BCL2L13: variants seen among roughly 807,000 people sequenced by gnomAD.
The protein encoded by BCL2L13 is bcl-2-like protein 13.
In BCL2L13, 13 loss-of-function variants were observed where a neutral mutation model predicts 25.8. That is an observed-to-expected ratio of 0.50 (90% CI 0.33 to 0.80). The LOEUF (loss-of-function observed/expected upper bound fraction) is 0.80. Among genes scored for constraint, BCL2L13 ranks in the 30% least tolerant of loss-of-function variants. The probability of loss-of-function intolerance (pLI) is 0.02; values close to 1 mark genes in which losing one functional copy is unlikely to be tolerated. For synonymous variants in BCL2L13, 244 were observed against 230.3 expected (o/e 1.06, Z -0.54); for missense variants, 504 against 574.9 (o/e 0.88, Z 1.26).
In BCL2L13 at chr22:17,688,289, C is replaced by A. The variant is rs182344068; in HGVS notation, c.230-697C>A. On this transcript the variant is annotated intron_variant, in intron 3 of 6. Coordinates refer to ENST00000317582, the MANE Select transcript of BCL2L13 (RefSeq NM_015367.4). ...CAACTTTTATACTTGTTTGTATAAT[C>A]TTCATATAATAGTTTGAAAATTTAT... Among the ~76,000 whole-genome samples the A allele has an allele frequency of 1.3e-3, 194 of 152,264 alleles. 1 individual carries two copies. Among genetic ancestry groups the A allele is most frequent in the Non-Finnish European group, 2.1e-3 (143 of 68,028 alleles).
intron 2 of BCL2L13, among the ~76,000 whole-genome samples, chr22:17,659,818 C>A (rs548247608): frequency 6.8e-6 from 1 of 146,084 alleles, no homozygotes; most frequent in Non-Finnish European, 1.6e-5. Flanking sequence ...CCTTAGATAT[C>A]TTCATTTATA....
In BCL2L13 at chr22:17,689,861, C is replaced by A. The variant is rs146789183; in HGVS notation, c.386+719C>A. Among the ~76,000 whole-genome samples, 993 of 145,618 alleles carry A rather than the reference C, an allele frequency of 6.8e-3. 10 individuals are homozygous for A. Among genetic ancestry groups the A allele is most frequent in the Non-Finnish European group, 0.012 (775 of 66,114 alleles). On this transcript the variant is annotated intron_variant, in intron 4 of 6. Coordinates refer to ENST00000317582, the MANE Select transcript of BCL2L13 (RefSeq NM_015367.4). ...CCATCTCAAAAAAAAAAAAAAAAAACCCAAAAAACCGTTATATCTGTATCC... is the reference window on the plus strand; with the variant it reads ...CCATCTCAAAAAAAAAAAAAAAAAAACCAAAAAACCGTTATATCTGTATCC...
At chr22:17,643,909 G>A (rs536181209) in intron 1 of BCL2L13, among the ~76,000 whole-genome samples, 3 of 149,516 alleles carry the variant, frequency 2.0e-5, no homozygotes, top group South Asian at 2.1e-4. Flanking sequence ...CACGGCGCCC[G>A]GCCAACTTTT....
At chr22:17,706,193 CAGAG>C (rs1293458297) in intron 6 of BCL2L13, among the ~76,000 whole-genome samples, 1 of 151,972 alleles carries the variant, frequency 6.6e-6, no homozygotes, top group Admixed American at 6.6e-5. Context: ...TTATTTTTTG[CAGAG>C]AGAGGTTTCA....
chr22:17,656,335 C>CTTTTTTTTTTTTTTTTTTTTTTTTTTT (rs890631679), intron 2 of BCL2L13, among the ~76,000 whole-genome samples: 2 of 57,882 alleles, frequency 3.5e-5, no homozygotes, highest in Non-Finnish European at 5.4e-5. Flanking sequence ...TCATTTTATT[C>CTTTTTTTTTTTTTTTTTTTTTTTTTTT]TTTTTTTTTT....
At chr22:17,724,090 T>G (rs1264686371) in intron 6 of BCL2L13, among the ~76,000 whole-genome samples, 2 of 151,844 alleles carry the variant, frequency 1.3e-5, no homozygotes, top group Non-Finnish European at 2.9e-5. Context: ...CTGGGCAACA[T>G]AGAGAGACCC....
At chr22:17,631,670 G>GTGTATA (rs1203626385) in intron 1 of BCL2L13, among the ~76,000 whole-genome samples, 159 of 26,612 alleles carry the variant, frequency 6.0e-3, no homozygotes, top group East Asian at 0.012. Context: ...GTGTGTGTGT[G>GTGTATA]TATATATATA....
chr22:17,706,900 T>C (rs2060610066), intron 6 of BCL2L13: 2 of 1,194,540 alleles, frequency 1.7e-6, no homozygotes, highest in Admixed American at 1.9e-5. Flanking sequence ...TTAGATTCCA[T>C]AAAAGATTAC....
At chr22:17,703,359 A>G (rs2060496981) in intron 6 of BCL2L13, 2 of 152,312 alleles carry the variant, frequency 1.3e-5, no homozygotes, top group East Asian at 3.9e-4. Flanking sequence ...TTATTTACTA[A>G]GAGAGACATG....
intron 2 of BCL2L13, among the ~76,000 whole-genome samples, chr22:17,657,582 G>T (rs374370106): frequency 6.6e-6 from 1 of 151,350 alleles, no homozygotes; most frequent in Non-Finnish European, 1.5e-5. Context: ...GCACGATCTC[G>T]GCTACTGCAA....
At chr22:17,645,503 G>T (rs941403988) in intron 1 of BCL2L13, among the ~76,000 whole-genome samples, 4 of 151,282 alleles carry the variant, frequency 2.6e-5, no homozygotes, top group African/African-American at 9.8e-5. Flanking sequence ...AAGTATAGGC[G>T]TGAGCCACCA....
intron 1 of BCL2L13, 71 bp from the exon 2 acceptor site, chr22:17,655,591 T>C (rs2058829596): frequency 1.6e-6 from 2 of 1,259,950 alleles, no homozygotes; most frequent in Non-Finnish European, 2.2e-6. Context: ...ACAAGACATT[T>C]TGGTGTGAAA....
At chr22:17,643,017 C>T (rs2058345869) in intron 1 of BCL2L13, among the ~76,000 whole-genome samples, 1 of 152,116 alleles carries the variant, frequency 6.6e-6, no homozygotes. Context: ...TTTACACAAG[C>T]CATATACAGG....
intron 2 of BCL2L13, among the ~76,000 whole-genome samples, chr22:17,671,698 A>G (rs1601600641): frequency 6.6e-6 from 1 of 151,618 alleles, no homozygotes; most frequent in African/African-American, 2.4e-5. Context: ...CCAAAGTGCC[A>G]CTCTGCCCCA....
At chr22:17,720,235 C>T (rs181592131) in intron 6 of BCL2L13, among the ~76,000 whole-genome samples, 16 of 149,534 alleles carry the variant, frequency 1.1e-4, no homozygotes, top group Admixed American at 6.6e-4. Context: ...GTGGCACGAT[C>T]ATGGCTCACT....
At chr22:17,681,213 G>A (rs1022347441) in intron 2 of BCL2L13, among the ~76,000 whole-genome samples, 33 of 151,978 alleles carry the variant, frequency 2.2e-4, no homozygotes, top group African/African-American at 6.8e-4. Flanking sequence ...GGGAAAGAAG[G>A]AGAATTAGAT....
Position 17,650,422 on chromosome 22 carries a change from C to G in BCL2L13, c.-50-5240C>G, listed in dbSNP as rs753664357. Among the ~76,000 whole-genome samples the G allele has an allele frequency of 1.4e-4, 22 of 152,122 alleles. 1 individual carries two copies. In the South Asian group the frequency reaches 2.7e-3, roughly 19 times the overall value. On this transcript the variant is annotated intron_variant, in intron 1 of 6. Transcript: ENST00000317582. ...AGTATTTTTGAACATGTTTTGTAGC[C>G]TATGTCTCCTTTATTAAAAATAAGG...
chr22:17,686,804 C>T (rs1044676187), intron 3 of BCL2L13, among the ~76,000 whole-genome samples: 9 of 152,064 alleles, frequency 5.9e-5, no homozygotes, highest in Middle Eastern at 3.2e-3. Flanking sequence ...ACACTGTGCC[C>T]GACCATTATA....
intron 2 of BCL2L13, among the ~76,000 whole-genome samples, chr22:17,669,896 T>C (rs1201272483): frequency 6.6e-6 from 1 of 152,190 alleles, no homozygotes; most frequent in Non-Finnish European, 1.5e-5. Context: ...CCTCCAGAAC[T>C]GTGAGAAATA....
Sources: allele counts gnomAD v4.1 joint callset (sites outside exome capture counted in the v4.1 genomes callset), GRCh38; gene constraint gnomAD v4.1.1; transcripts MANE v1.5; gene names NCBI Gene and HGNC (gene_info 2026-07-23, HGNC 2026-07-21).